Variants in PPP2R1A observed in about 807,000 individuals in gnomAD.
PPP2R1A encodes the protein serine/threonine-protein phosphatase 2A 65 kDa regulatory subunit A alpha isoform.
Under a neutral mutation model 67.1 loss-of-function variants are expected in PPP2R1A, and 15 were observed. That is an observed-to-expected ratio of 0.22 (90% CI 0.15 to 0.34). The LOEUF (loss-of-function observed/expected upper bound fraction) is 0.34, where lower values mean the gene tolerates loss of function less well. Ranked by LOEUF, PPP2R1A falls within the 10% of genes least tolerant of loss-of-function variation. The pLI is 1.00. For missense variants in PPP2R1A, 369 were observed against 775.0 expected (o/e 0.48, Z 6.22); for synonymous variants, 337 against 325.0 (o/e 1.04, Z -0.40).
chr19:52,219,565 TG>T lies in PPP2R1A; in HGVS notation c.1129-123del. 2 of 950,724 alleles carry T rather than the reference TG, an allele frequency of 2.1e-6. No individual in the cohort carries two copies. The highest frequency in any genetic ancestry group is 3.0e-6 in the Non-Finnish European group (2 of 659,958). The allele number at this position is 950,724 out of a possible 1,614,324, so 58.9% of individuals were successfully genotyped here. ...TTAATGTGTTCCCAGAACGGGGAGC[TG>T]GGCTTGGACAGGAGTAGTCCCTCGG... On this transcript the variant is annotated intron_variant, in intron 9 of 14. Coordinates refer to ENST00000322088, the MANE Select transcript of PPP2R1A (RefSeq NM_014225.6). The surrounding 1 kb of genome is among the most constrained non-coding windows in gnomAD (Gnocchi z 4.0).
At chr19:52,194,961 A>G (rs1013028309) in intron 1 of PPP2R1A, among the ~76,000 whole-genome samples, 8 of 152,168 alleles carry the variant, frequency 5.3e-5, no homozygotes, top group Non-Finnish European at 8.8e-5. Flanking sequence ...TTTGGTTACT[A>G]TCAAGGAAGC....
At chr19:52,210,666 G>T (rs2089658974) in intron 3 of PPP2R1A, among the ~76,000 whole-genome samples, 1 of 151,744 alleles carries the variant, frequency 6.6e-6, no homozygotes. Context: ...TAATTTTTTT[G>T]TATTTTTAGT....
At position 52,219,265 on chromosome 19, in the gene PPP2R1A, T is replaced by C. The variant is rs566056998; in HGVS notation, c.1129-426T>C. On this transcript the variant is annotated intron_variant, in intron 9 of 14. Coordinates refer to ENST00000322088, the MANE Select transcript of PPP2R1A (RefSeq NM_014225.6). This position sits in a 1 kb window ranked among gnomAD's most constrained non-coding sequence, Gnocchi z 4.0. Reference sequence around the variant, plus strand: ...TCATTTCAGTGCTCCTTTATTTATTTATTTTTTTAGACTAAAATAGTTTTA... The same window carrying C: ...TCATTTCAGTGCTCCTTTATTTATTCATTTTTTTAGACTAAAATAGTTTTA... Among the ~76,000 whole-genome samples the C allele has an allele frequency of 3.0e-4, 45 of 152,236 alleles. No individual in the cohort carries two copies. Among genetic ancestry groups the C allele is most frequent in the Non-Finnish European group, 6.0e-4 (41 of 68,044 alleles).
chr19:52,212,630 T>A lies in PPP2R1A; in HGVS notation c.504-56T>A. The A allele has an allele frequency of 6.3e-7, 1 of 1,590,466 alleles. No homozygotes were observed. On this transcript the variant is annotated intron_variant, in intron 4 of 14. Transcript: ENST00000322088. This position sits in a 1 kb window ranked among gnomAD's most constrained non-coding sequence, Gnocchi z 4.1. Reference sequence around the variant, plus strand: ...ACCCACACAACTGCAGAGTCTGTGCTTGCTCCTCTCTGCCATACTGCCTGC... The same window carrying A: ...ACCCACACAACTGCAGAGTCTGTGCATGCTCCTCTCTGCCATACTGCCTGC...
rs557875671 is a variant in PPP2R1A at position 52,213,152 on chromosome 19, C to CCAG, written c.807+42_807+43insCAG. Reference sequence around the variant, plus strand: ...TGACATTGTCCCACTGGTGGGGACACTGACACTCTCAGAAGGGAAGCATAT... The same window carrying CCAG: ...TGACATTGTCCCACTGGTGGGGACACCAGTGACACTCTCAGAAGGGAAGCATAT... On this transcript the variant is annotated intron_variant, in intron 6 of 14. Transcript: ENST00000322088. This position sits in a 1 kb window ranked among gnomAD's most constrained non-coding sequence, Gnocchi z 4.2. The CCAG allele has an allele frequency of 3.9e-4, 592 of 1,508,834 alleles. 2 individuals are homozygous for CCAG. The African/African-American group carries it at 7.3e-3, about 19-fold the overall frequency. 93.5% of individuals were successfully genotyped at this position (1,508,834 alleles called of 1,614,324 possible).
intron 1 of PPP2R1A, among the ~76,000 whole-genome samples, chr19:52,195,516 G>A (rs975359807): frequency 6.6e-6 from 1 of 152,190 alleles, no homozygotes; most frequent in Non-Finnish European, 1.5e-5. Flanking sequence ...GGATCCAACA[G>A]GTTGAGGGCT....
chr19:52,196,212 C>A (rs1260729516), intron 1 of PPP2R1A, among the ~76,000 whole-genome samples: 1 of 152,190 alleles, frequency 6.6e-6, no homozygotes, highest in Non-Finnish European at 1.5e-5. Flanking sequence ...CAGGATATGA[C>A]ATGATCAATG....
At chr19:52,190,659 T>C (rs111636153) in intron 1 of PPP2R1A, among the ~76,000 whole-genome samples, 1 of 152,212 alleles carries the variant, frequency 6.6e-6, no homozygotes, top group African/African-American at 2.4e-5. Context: ...CCTGCCATCC[T>C]AATTCCTGCT....
Position 52,228,448 on chromosome 19 carries a change from A to C in PPP2R1A, c.*2467A>C, listed in dbSNP as rs982431062. 1 of 152,242 alleles carries C rather than the reference A, an allele frequency of 6.6e-6. No individual in the cohort carries two copies. Among genetic ancestry groups the C allele is most frequent in the African/African-American group, 2.4e-5 (1 of 41,458 alleles). The allele number at this position is 152,242 out of a possible 1,614,324, so 9.4% of individuals were successfully genotyped here. A position where few individuals can be genotyped will look rare whatever the true frequency, so the allele number is the denominator to read the frequency against. On this transcript the variant is annotated 3_prime_UTR_variant, in exon 15 of 15. Coordinates refer to ENST00000322088, the MANE Select transcript of PPP2R1A (RefSeq NM_014225.6). Reference sequence around the variant, plus strand: ...TGCTCTCAGGAGAACGGACTGAGGTAACTCACCTTCTGTGAGCTTCATGTT... The same window carrying C: ...TGCTCTCAGGAGAACGGACTGAGGTCACTCACCTTCTGTGAGCTTCATGTT...
In PPP2R1A at chr19:52,228,273, AGT is replaced by A. The variant is rs1346512451; in HGVS notation, c.*2294_*2295del. On this transcript the variant is annotated 3_prime_UTR_variant, in exon 15 of 15. Transcript: ENST00000322088. ...TGAGGTGATACTCAGCGACCACAGG[AGT>A]GAGTATGAGAGACGAGGGTGAAGGA... The A allele has an allele frequency of 6.6e-6, 1 of 152,172 alleles. No individual in the cohort carries two copies. The highest frequency in any genetic ancestry group is 1.5e-5 in the Non-Finnish European group (1 of 68,030). The allele number at this position is 152,172 out of a possible 1,614,324, so 9.4% of individuals were successfully genotyped here. A position where few individuals can be genotyped will look rare whatever the true frequency, so the allele number is the denominator to read the frequency against.
At position 52,219,977 on chromosome 19, in the gene PPP2R1A, GC is replaced by G; in HGVS notation, c.1302+115del. 7.2e-7 allele frequency: 1 copy of G among 1,380,650 alleles called. No homozygotes were observed. Among genetic ancestry groups the G allele is most frequent in the East Asian group, 2.4e-5 (1 of 40,904 alleles). The allele number at this position is 1,380,650 out of a possible 1,614,324, so 85.5% of individuals were successfully genotyped here. A position where few individuals can be genotyped will look rare whatever the true frequency, so the allele number is the denominator to read the frequency against. ...AGGCTTAGTGGAGGCTGTGACAACTGCCTGGGGAGTCGAAGGAAGGGACCCA... is the reference window on the plus strand; with the variant it reads ...AGGCTTAGTGGAGGCTGTGACAACTGCTGGGGAGTCGAAGGAAGGGACCCA... On this transcript the variant is annotated intron_variant, in intron 10 of 14. Coordinates refer to ENST00000322088, the MANE Select transcript of PPP2R1A (RefSeq NM_014225.6). The surrounding 1 kb of genome is among the most constrained non-coding windows in gnomAD (Gnocchi z 4.0).
rs1978387709 is a variant in PPP2R1A, at chr19:52,213,670, A to G, written c.807+560A>G. On this transcript the variant is annotated intron_variant, in intron 6 of 14. Coordinates refer to ENST00000322088, the MANE Select transcript of PPP2R1A (RefSeq NM_014225.6). The surrounding 1 kb of genome is among the most constrained non-coding windows in gnomAD (Gnocchi z 4.2). ...GCTAGTTTTTGTATTTTTATTAGAG[A>G]CGGGGTTTCACCATGTTGTTAGCCA... Among the ~76,000 whole-genome samples, 2 of 150,748 alleles carry G rather than the reference A, an allele frequency of 1.3e-5. 1 individual carries two copies. The highest frequency in any genetic ancestry group is 3.9e-4 in the East Asian group (2 of 5,120).
chr19:52,208,107 T>C (rs1600164900), intron 3 of PPP2R1A, among the ~76,000 whole-genome samples: 1 of 152,088 alleles, frequency 6.6e-6, no homozygotes, highest in Non-Finnish European at 1.5e-5. Context: ...CTCTCAGCAG[T>C]GGTGAAATGG....
rs755649324 is a variant in PPP2R1A at position 52,211,348 on chromosome 19, C to T, written c.359C>T (p.Ser120Leu). ...TTACGGGCCATCTCACACGAGCACT[C>T]GCCCTCTGACCTGGAGGCGCACTTT... ...ESLRAISHEH[S>L]PSDLEAHFVP... Residue 120 changes from serine to leucine, a missense_variant, in exon 4 of 15, where the codon TCG (serine) becomes TTG (leucine). By Grantham distance (145) the Ser-to-Leu change is moderately radical. Coordinates refer to ENST00000322088, the MANE Select transcript of PPP2R1A (RefSeq NM_014225.6). The surrounding 1 kb of genome is among the most constrained non-coding windows in gnomAD (Gnocchi z 5.3). 4.3e-6 allele frequency: 7 copies of T among 1,613,988 alleles called. No homozygotes were observed. The highest frequency in any genetic ancestry group is 2.2e-5 in the East Asian group (1 of 44,898).
intron 1 of PPP2R1A, among the ~76,000 whole-genome samples, chr19:52,190,469 G>C (rs1432831796): frequency 1.3e-5 from 2 of 152,248 alleles, no homozygotes; most frequent in African/African-American, 2.4e-5. Flanking sequence ...CTGCGGACTG[G>C]GTCTGGGAGA....
intron 12 of PPP2R1A, 170 bp from the exon 13 acceptor site, chr19:52,221,929 T>TGG (rs563249179): frequency 4.0e-4 from 246 of 608,806 alleles, no homozygotes; most frequent in African/African-American, 3.9e-3. Context: ...GGACATGGTG[T>TGG]TAGGATGGTG....
chr19:52,207,645 C>T (rs1045743045), intron 3 of PPP2R1A, among the ~76,000 whole-genome samples: 2 of 152,200 alleles, frequency 1.3e-5, no homozygotes, highest in African/African-American at 4.8e-5. Context: ...ATCAGAATAG[C>T]TTGTGCTTGC....
At position 52,211,559 on chromosome 19, in the gene PPP2R1A, A is replaced by G. The variant is rs1452938088; in HGVS notation, c.503+67A>G. The G allele has an allele frequency of 4.6e-6, 7 of 1,507,384 alleles. No homozygotes were observed. The highest frequency in any genetic ancestry group is 1.8e-4 in the Middle Eastern group (1 of 5,662). 93.4% of individuals were successfully genotyped at this position (1,507,384 alleles called of 1,614,324 possible). On this transcript the variant is annotated intron_variant, in intron 4 of 14. Coordinates refer to ENST00000322088, the MANE Select transcript of PPP2R1A (RefSeq NM_014225.6). This position sits in a 1 kb window ranked among gnomAD's most constrained non-coding sequence, Gnocchi z 5.3. ...GCTCCAACCTTCTCTAAAGCCTCAG[A>G]CTCCTTTTGGTCTAGCTGGGGCCCA...
At chr19:52,195,144 A>T (rs540393523) in intron 1 of PPP2R1A, among the ~76,000 whole-genome samples, 5 of 152,272 alleles carry the variant, frequency 3.3e-5, no homozygotes, top group Non-Finnish European at 7.4e-5. Flanking sequence ...CATGGGTTGA[A>T]TGCAGGGTGG....
Sources: gnomAD v4.1 joint callset for allele counts (sites outside exome capture counted in the v4.1 genomes callset) on GRCh38, gnomAD v4.1.1 for gene constraint, Gnocchi (gnomAD v3.1) non-coding constraint, MANE v1.5 for transcripts, NCBI Gene and HGNC (gene_info 2026-07-23, HGNC 2026-07-21) for gene names.